The following TMEM232 variants were observed in gnomAD, a reference collection of about 807,000 sequenced individuals.
The protein encoded by TMEM232 is transmembrane protein 232.
A neutral mutation model predicts 78.8 loss-of-function variants in TMEM232; 80 were observed. That is an observed-to-expected ratio of 1.01 (90% confidence interval 0.85 to 1.22). The LOEUF (loss-of-function observed/expected upper bound fraction) is 1.22, where lower values mean the gene tolerates loss of function less well. TMEM232 is among the 50% of genes most tolerant of loss of function. The pLI is 0.00. For synonymous variants in TMEM232, 297 were observed against 254.3 expected (o/e 1.17, Z -1.60); for missense variants, 881 against 742.2 (o/e 1.19, Z -2.17).
At chr5:110,684,198 G>T (rs1338811525) in intron 1 of TMEM232, among the ~76,000 whole-genome samples, 1 of 151,810 alleles carries the variant, frequency 6.6e-6, no homozygotes, top group Non-Finnish European at 1.5e-5. Context: ...AATGTAATAG[G>T]CAGTTGCAGT....
At chr5:110,578,567 T>C (rs1225253177) in intron 10 of TMEM232, among the ~76,000 whole-genome samples, 2 of 151,964 alleles carry the variant, frequency 1.3e-5, no homozygotes, top group Non-Finnish European at 2.9e-5. Flanking sequence ...TATAACTGCC[T>C]TTCTTGAAAT....
intron 12 of TMEM232, among the ~76,000 whole-genome samples, chr5:110,431,337 A>C (rs1040382818): frequency 2.0e-5 from 3 of 151,650 alleles, no homozygotes; most frequent in Non-Finnish European, 4.4e-5. Context: ...GGGACTCCTG[A>C]AAATTTACAC....
rs1776609881 is a variant in TMEM232, at chr5:110,568,757, G to A, written c.1277-132C>T. Reference sequence around the variant, plus strand: ...TCTAAAGTCTGAAATTCTAAGCTGTGGAAATTTCTGACCCTTCACTGCTTT... The same window carrying A: ...TCTAAAGTCTGAAATTCTAAGCTGTAGAAATTTCTGACCCTTCACTGCTTT... On this transcript the variant is annotated intron_variant, in intron 10 of 13. Transcript: ENST00000455884. 8.9e-6 allele frequency: 8 copies of A among 895,934 alleles called. No individual in the cohort carries two copies. In the South Asian group the frequency reaches 1.7e-4, roughly 19 times the overall value. 55.5% of individuals were successfully genotyped at this position (895,934 alleles called of 1,614,324 possible).
chr5:110,732,562 C>T (rs1798782418), intron 2 of TMEM232, among the ~76,000 whole-genome samples: 1 of 152,118 alleles, frequency 6.6e-6, no homozygotes, highest in Non-Finnish European at 1.5e-5. Context: ...GCGGAAACCC[C>T]TGATAAGCCC....
chr5:110,528,906 A>T (rs922867520), intron 11 of TMEM232, 71 bp from the exon 12 acceptor site: 3 of 1,186,678 alleles, frequency 2.5e-6, no homozygotes, highest in Non-Finnish European at 3.2e-6. Flanking sequence ...GTGTATTATT[A>T]AATTTTTTAA....
At chr5:110,716,224 G>A (rs1479521640) in intron 1 of TMEM232, among the ~76,000 whole-genome samples, 17 of 152,082 alleles carry the variant, frequency 1.1e-4, no homozygotes, top group Non-Finnish European at 8.8e-5. Flanking sequence ...TTTTACAGCA[G>A]GGGGCCCCGA....
chr5:110,476,102 T>C (rs192575308), intron 12 of TMEM232, among the ~76,000 whole-genome samples: 2 of 152,104 alleles, frequency 1.3e-5, no homozygotes, highest in Admixed American at 1.3e-4. Context: ...TTTTAATATA[T>C]AATGTCATAA....
At chr5:110,430,895 C>T (rs1757763141) in intron 12 of TMEM232, among the ~76,000 whole-genome samples, 1 of 151,560 alleles carries the variant, frequency 6.6e-6, no homozygotes, top group South Asian at 2.1e-4. Flanking sequence ...ATTTGAAAGG[C>T]CAATGTATCA....
At chr5:110,598,406 G>A (rs1026011638) in intron 10 of TMEM232, among the ~76,000 whole-genome samples, 2 of 152,150 alleles carry the variant, frequency 1.3e-5, no homozygotes, top group African/African-American at 4.8e-5. Flanking sequence ...CTTTTACACT[G>A]TTGGTGGGAC....
At chr5:110,667,433 A>C (rs114660532) in intron 1 of TMEM232, 69 bp from the exon 2 acceptor site, 2 of 1,256,230 alleles carry the variant, frequency 1.6e-6, no homozygotes, top group Non-Finnish European at 2.1e-6. Flanking sequence ...TGTTATGCAA[A>C]TTCATTATTT....
At chr5:110,612,901 T>C (rs528573470) in intron 8 of TMEM232, among the ~76,000 whole-genome samples, 3 of 152,294 alleles carry the variant, frequency 2.0e-5, no homozygotes, top group Admixed American at 6.5e-5. Flanking sequence ...GAGCAAATAG[T>C]GCCGTTTATA....
At chr5:110,475,903 G>T (rs1354347793) in intron 12 of TMEM232, among the ~76,000 whole-genome samples, 1 of 151,960 alleles carries the variant, frequency 6.6e-6, no homozygotes, top group Non-Finnish European at 1.5e-5. Flanking sequence ...AAATTTCATA[G>T]TTCACAGACA....
intron 11 of TMEM232, among the ~76,000 whole-genome samples, chr5:110,532,543 A>G (rs1241941021): frequency 3.3e-5 from 5 of 151,900 alleles, no homozygotes; most frequent in African/African-American, 9.7e-5. Flanking sequence ...GTGCCAACTT[A>G]CACAATACTC....
At chr5:110,627,551 T>C (rs906511254) in intron 6 of TMEM232, among the ~76,000 whole-genome samples, 2 of 152,008 alleles carry the variant, frequency 1.3e-5, no homozygotes, top group Non-Finnish European at 2.9e-5. Flanking sequence ...GAAAAAAAAG[T>C]AGAGTCAGAT....
chr5:110,514,098 G>C (rs1218577768), intron 12 of TMEM232, among the ~76,000 whole-genome samples: 2 of 152,074 alleles, frequency 1.3e-5, no homozygotes, highest in African/African-American at 4.8e-5. Context: ...ACCATTCAAT[G>C]TTCTTTATTT....
chr5:110,603,761 C>T (rs1781232434), intron 10 of TMEM232, among the ~76,000 whole-genome samples: 1 of 151,984 alleles, frequency 6.6e-6, no homozygotes, highest in African/African-American at 2.4e-5. Flanking sequence ...AAAATAAAAG[C>T]TTGAAAAGTG....
intron 12 of TMEM232, among the ~76,000 whole-genome samples, chr5:110,465,160 C>CAGAT (rs1249236996): frequency 1.3e-5 from 2 of 152,222 alleles, no homozygotes; most frequent in African/African-American, 2.4e-5. Flanking sequence ...AATGAATATT[C>CAGAT]AGATAGACAA....
chr5:110,584,294 T>C lies in TMEM232; in HGVS notation c.1277-15669A>G, dbSNP rs531521586. Among the ~76,000 whole-genome samples, 36 of 151,916 alleles carry C rather than the reference T, an allele frequency of 2.4e-4. 1 individual carries two copies. In the South Asian group the frequency reaches 5.0e-3, roughly 21 times the overall value. On this transcript the variant is annotated intron_variant, in intron 10 of 13. Transcript: ENST00000455884. ...ATGGATAAGGAAAATGTCATATATA[T>C]ATAAAATGAAATATATTCACACCAA...
chr5:110,707,229 T>C (rs767745672), intron 1 of TMEM232, among the ~76,000 whole-genome samples: 77 of 152,240 alleles, frequency 5.1e-4, no homozygotes, highest in Middle Eastern at 3.4e-3. Flanking sequence ...TAACTTCATA[T>C]TACTGAAAGA....
Sources: gnomAD v4.1 joint callset for allele counts (sites outside exome capture counted in the v4.1 genomes callset) on GRCh38, gnomAD v4.1.1 for gene constraint, MANE v1.5 for transcripts, NCBI Gene and HGNC (gene_info 2026-07-23, HGNC 2026-07-21) for gene names.